The following BRSK1 variants were observed in gnomAD, a reference collection of about 807,000 sequenced individuals.
BRSK1 encodes the protein BR serine/threonine kinase 1.
In BRSK1, 17 loss-of-function variants were observed where a neutral mutation model predicts 86.2. The ratio of observed to expected loss-of-function variants is 0.20; its 90% CI spans 0.14 to 0.30. The LOEUF is 0.30. Ranked by LOEUF, BRSK1 falls within the 10% of genes least tolerant of loss-of-function variation. The pLI, the probability that BRSK1 is intolerant of heterozygous loss-of-function variation, is 1.00. For missense variants in BRSK1, 719 were observed against 1,071.9 expected, an observed-to-expected ratio of 0.67 and a Z score of 4.60; for synonymous variants, 464 against 440.1, an observed-to-expected ratio of 1.05 and a Z score of -0.68.
chr19:55,302,811 A>G lies in BRSK1; in HGVS notation c.972A>G (p.Ala324=). The G allele has an allele frequency of 6.2e-7, 1 of 1,613,862 alleles. No homozygotes were observed. Among genetic ancestry groups the G allele is most frequent in the Non-Finnish European group, 8.5e-7 (1 of 1,179,960 alleles). The change falls in exon 10 of 19, where the codon GCA becomes GCG. Residue 324 remains alanine (A), a synonymous_variant. Coordinates refer to ENST00000309383, the MANE Select transcript of BRSK1 (RefSeq NM_032430.2). This position sits in a 1 kb window ranked among gnomAD's most constrained non-coding sequence, Gnocchi z 6.3. ...ACCCCGACGTCCTAGAGAGCATGGC[A>G]TCACTGGGCTGCTTCAGGGACCGCG... ...ELDPDVLESM[A]SLGCFRDRER...
chr19:55,297,599 G>T (rs545417328), intron 7 of BRSK1, among the ~76,000 whole-genome samples: 37 of 152,250 alleles, frequency 2.4e-4, no homozygotes, highest in African/African-American at 8.7e-4. Context: ...GAGAGCAGCC[G>T]AGGTGCTCTG....
At chr19:55,307,404 C>T (rs2088668556) in intron 17 of BRSK1, among the ~76,000 whole-genome samples, 1 of 151,880 alleles carries the variant, frequency 6.6e-6, no homozygotes, top group African/African-American at 2.4e-5. Flanking sequence ...CCAAAATAAG[C>T]CTCGCGTGGT....
chr19:55,293,244 C>G (rs1342706873), intron 4 of BRSK1, among the ~76,000 whole-genome samples: 1 of 151,954 alleles, frequency 6.6e-6, no homozygotes, highest in African/African-American at 2.4e-5. Flanking sequence ...GCCTGTAATC[C>G]CAGGACTTCT....
rs2088761826 is a variant in BRSK1, at chr19:55,310,545, C to T, written c.2180-1366C>T. 6.6e-6 allele frequency among the ~76,000 whole-genome samples: 1 copy of T among 152,100 alleles called. No homozygotes were observed. Among genetic ancestry groups the T allele is most frequent in the African/African-American group, 2.4e-5 (1 of 41,422 alleles). ...TGGAGGGGGCCGTTATTCAGCCTAGCCCAACCCCCTAGGGACATTTAGTAA... is the reference window on the plus strand; with the variant it reads ...TGGAGGGGGCCGTTATTCAGCCTAGTCCAACCCCCTAGGGACATTTAGTAA... On this transcript the variant is annotated intron_variant, in intron 18 of 18. Coordinates refer to ENST00000309383, the MANE Select transcript of BRSK1 (RefSeq NM_032430.2). The surrounding 1 kb of genome is among the most constrained non-coding windows in gnomAD (Gnocchi z 5.0).
In BRSK1 at chr19:55,303,623, G is replaced by T. The variant is rs1247990658; in HGVS notation, c.1127-44G>T. 6.4e-7 allele frequency: 1 copy of T among 1,568,066 alleles called. No individual in the cohort carries two copies. The highest frequency in any genetic ancestry group is 2.3e-5 in the East Asian group (1 of 44,418). ...GTTTCTGAGGCAGTTGTACACAGCT[G>T]GGTGAAACCATCTCTTGATTGGGTT... On this transcript the variant is annotated intron_variant, in intron 11 of 18. Coordinates refer to ENST00000309383, the MANE Select transcript of BRSK1 (RefSeq NM_032430.2). The surrounding 1 kb of genome is among the most constrained non-coding windows in gnomAD (Gnocchi z 5.1).
chr19:55,287,624 G>A lies in BRSK1; in HGVS notation c.317+325G>A, dbSNP rs2088338495. Among the ~76,000 whole-genome samples, 2 of 152,268 alleles carry A rather than the reference G, an allele frequency of 1.3e-5. No homozygotes were observed. Among genetic ancestry groups the A allele is most frequent in the South Asian group, 4.1e-4 (2 of 4,838 alleles). On this transcript the variant is annotated intron_variant, in intron 3 of 18. Coordinates refer to ENST00000309383, the MANE Select transcript of BRSK1 (RefSeq NM_032430.2). This position sits in a 1 kb window ranked among gnomAD's most constrained non-coding sequence, Gnocchi z 5.3. ...CCCTCGACCAGACCCAATCTGCTAT[G>A]GGCAGATGCCTCCTGTTTGTAAGGC...
In BRSK1 at chr19:55,304,742, C is replaced by A. The variant is rs535789313; in HGVS notation, c.1539C>A (p.Gly513=). Residue 513 remains glycine, a synonymous_variant, in exon 14 of 19, where the codon GGC becomes GGA. Transcript: ENST00000309383. This position sits in a 1 kb window ranked among gnomAD's most constrained non-coding sequence, Gnocchi z 5.2. ...PGPPGSPRSS[G]GTPLHSPLHT... is the part of the protein sequence containing the mutation. The stretch of plus-strand genomic sequence containing the variant: ...CCCCAGGCTCCCCGCGCTCCTCTGG[C>A]GGGACCCCCTTGCACTCGCCTCTGC... The A allele has an allele frequency of 6.5e-7, 1 of 1,531,630 alleles. No homozygotes were observed. Among genetic ancestry groups the A allele is most frequent in the Middle Eastern group, 2.3e-4 (1 of 4,362 alleles). 94.9% of individuals were successfully genotyped at this position (1,531,630 alleles called of 1,614,324 possible).
At chr19:55,297,069 T>C (rs917699265) in intron 7 of BRSK1, among the ~76,000 whole-genome samples, 6 of 152,216 alleles carry the variant, frequency 3.9e-5, no homozygotes, top group Non-Finnish European at 8.8e-5. Context: ...ATACATAAGT[T>C]TTTTTGTTTG....
chr19:55,294,407 C>T lies in BRSK1; in HGVS notation c.678+10C>T. 3 of 1,613,158 alleles carry T rather than the reference C, an allele frequency of 1.9e-6. No individual in the cohort carries two copies. Among genetic ancestry groups the T allele is most frequent in the Middle Eastern group, 1.7e-4 (1 of 6,060 alleles). ...CTTCGCCCTGCTCGTGGTAAGGCGC[C>T]CTCACCTCTCCTGTCATTTCTAGAT... On this transcript the variant is annotated intron_variant, in intron 7 of 18. Transcript: ENST00000309383. The surrounding 1 kb of genome is among the most constrained non-coding windows in gnomAD (Gnocchi z 4.9).
At chr19:55,311,787 A>T in intron 18 of BRSK1, 124 bp from the exon 19 acceptor site, 1 of 994,838 alleles carries the variant, frequency 1.0e-6, no homozygotes, top group Non-Finnish European at 1.5e-6. Context: ...CTTATCAGGG[A>T]TTGGAGCTAG....
At chr19:55,291,310 G>A (rs949438067) in intron 4 of BRSK1, among the ~76,000 whole-genome samples, 6 of 151,902 alleles carry the variant, frequency 3.9e-5, no homozygotes, top group African/African-American at 7.2e-5. Context: ...AGGCCAAGGC[G>A]GGCAGATCAC....
In BRSK1 at chr19:55,302,247, G is replaced by A; in HGVS notation, c.857+79G>A. 2.6e-6 allele frequency: 4 copies of A among 1,552,108 alleles called. No individual in the cohort carries two copies. The highest frequency in any genetic ancestry group is 3.6e-6 in the Non-Finnish European group (4 of 1,123,966). On this transcript the variant is annotated intron_variant, in intron 9 of 18. Coordinates refer to ENST00000309383, the MANE Select transcript of BRSK1 (RefSeq NM_032430.2). This position sits in a 1 kb window ranked among gnomAD's most constrained non-coding sequence, Gnocchi z 6.3. ...CAAAGCAGTAGAAGCGGCTGGGAGG[G>A]GTGGGATGCCAGGGTTCCTGAGAGG...
Position 55,284,394 on chromosome 19 carries a change from C to A in BRSK1, c.-49C>A. The A allele has an allele frequency of 1.0e-6, 1 of 965,482 alleles. No homozygotes were observed. Among genetic ancestry groups the A allele is most frequent in the Non-Finnish European group, 1.3e-6 (1 of 743,452 alleles). 59.8% of individuals were successfully genotyped at this position (965,482 alleles called of 1,614,324 possible). ...CCCCACCGGAGAGACGGGGCGACGG[C>A]CGCAGGGGGGGCGGCCGGGGGACCG... On this transcript the variant is annotated 5_prime_UTR_variant, in exon 1 of 19. Coordinates refer to ENST00000309383, the MANE Select transcript of BRSK1 (RefSeq NM_032430.2).
intron 4 of BRSK1, 51 bp downstream of exon 4, chr19:55,289,671 A>C: frequency 6.3e-7 from 1 of 1,599,582 alleles, no homozygotes. Context: ...CCCAGCAGAC[A>C]GGCCCTTGGG....
chr19:55,294,451 GCATAGGA>G lies in BRSK1; in HGVS notation c.678+57_678+63del. 1 of 1,542,986 alleles carries G rather than the reference GCATAGGA, an allele frequency of 6.5e-7. No individual in the cohort carries two copies. Among genetic ancestry groups the G allele is most frequent in the Non-Finnish European group, 8.9e-7 (1 of 1,121,000 alleles). On this transcript the variant is annotated intron_variant, in intron 7 of 18. Coordinates refer to ENST00000309383, the MANE Select transcript of BRSK1 (RefSeq NM_032430.2). This position sits in a 1 kb window ranked among gnomAD's most constrained non-coding sequence, Gnocchi z 4.9. ...TCTAGATCAATCCCACCTGGTGGGA[GCATAGGA>G]CAGTACCTTCCATCCTCAGGTCATC...
Position 55,284,191 on chromosome 19 carries a change from G to A in BRSK1, c.-252G>A. 6.9e-6 allele frequency: 6 copies of A among 866,812 alleles called. No homozygotes were observed. Among genetic ancestry groups the A allele is most frequent in the Non-Finnish European group, 9.1e-6 (6 of 657,070 alleles). 53.7% of individuals were successfully genotyped at this position (866,812 alleles called of 1,614,324 possible). ...GGGGGCCGGCCAGAAACGGGCTGGG[G>A]AGGGGGGGCCCCGCAGCCCCCCTGG... On this transcript the variant is annotated 5_prime_UTR_variant, in exon 1 of 19. Transcript: ENST00000309383.
rs954735699 is a variant in BRSK1, at chr19:55,284,154, G to T, written c.-289G>T. ...CCTCAGACCCCCCCGGCGGGGGGAG[G>T]CGCAGGAAGCGGGGGGCCGGCCAGA... On this transcript the variant is annotated 5_prime_UTR_variant, in exon 1 of 19. Transcript: ENST00000309383. 6.7e-5 allele frequency: 74 copies of T among 1,103,340 alleles called. No individual in the cohort carries two copies. In the South Asian group the frequency reaches 2.8e-3, roughly 42 times the overall value. 68.3% of individuals were successfully genotyped at this position (1,103,340 alleles called of 1,614,324 possible). A position where few individuals can be genotyped will look rare whatever the true frequency, so the allele number is the denominator to read the frequency against.
rs2088656550 is a variant in BRSK1, at chr19:55,306,794, G to C, written c.2089+344G>C. Among the ~76,000 whole-genome samples, 1 of 152,168 alleles carries C rather than the reference G, an allele frequency of 6.6e-6. No homozygotes were observed. On this transcript the variant is annotated intron_variant, in intron 17 of 18. Transcript: ENST00000309383. The surrounding 1 kb of genome is among the most constrained non-coding windows in gnomAD (Gnocchi z 4.7). The stretch of plus-strand genomic sequence containing the variant: ...CTTGGCCAGAGTCACACAATACACT[G>C]TCGCAGAGCTGCAGCCCAACCCAGG...
Position 55,303,180 on chromosome 19 carries a change from A to C in BRSK1, c.1029-131A>C. On this transcript the variant is annotated intron_variant, in intron 10 of 18. Coordinates refer to ENST00000309383, the MANE Select transcript of BRSK1 (RefSeq NM_032430.2). This position sits in a 1 kb window ranked among gnomAD's most constrained non-coding sequence, Gnocchi z 5.1. Reference sequence around the variant, plus strand: ...GATGTACCCTAAACCAGAGAAACTGACCATACTGATACCTAGAAAAAATGG... The same window carrying C: ...GATGTACCCTAAACCAGAGAAACTGCCCATACTGATACCTAGAAAAAATGG... The C allele has an allele frequency of 1.4e-6, 1 of 728,218 alleles. No individual in the cohort carries two copies. Among genetic ancestry groups the C allele is most frequent in the Non-Finnish European group, 2.3e-6 (1 of 432,352 alleles). 45.1% of individuals were successfully genotyped at this position (728,218 alleles called of 1,614,324 possible).
Sources: allele counts gnomAD v4.1 joint callset (sites outside exome capture counted in the v4.1 genomes callset), GRCh38; gene constraint gnomAD v4.1.1; non-coding constraint Gnocchi (gnomAD v3.1); transcripts MANE v1.5; gene names NCBI Gene and HGNC (gene_info 2026-07-23, HGNC 2026-07-21).